The following XKR9 variants were observed in gnomAD, a reference collection of about 807,000 sequenced individuals.
XKR9 encodes XK-related protein 9.
XKR9 carries 32 observed loss-of-function variants against 32.0 expected under a neutral mutation model. The ratio of observed to expected loss-of-function variants is 1.00; its 90% CI spans 0.76 to 1.34. The LOEUF (loss-of-function observed/expected upper bound fraction) is 1.34, where lower values mean the gene tolerates loss of function less well. Ranked by LOEUF, XKR9 falls within the 40% of genes most tolerant of loss-of-function variation. The pLI is 0.00. For missense variants in XKR9, 546 were observed against 429.7 expected (o/e 1.27, Z -2.39); for synonymous variants, 168 against 143.4 (o/e 1.17, Z -1.22).
At chr8:70,940,489 C>T in the XKR9 span, among the ~76,000 whole-genome samples, 2 of 151,968 alleles carry the variant, frequency 1.3e-5, no homozygotes. Flanking sequence ...ATCTCATATG[C>T]AAGACAGGGT....
intron 4 of XKR9, among the ~76,000 whole-genome samples, chr8:70,712,224 A>G (rs1805942330): frequency 6.6e-6 from 1 of 152,120 alleles, no homozygotes; most frequent in Non-Finnish European, 1.5e-5. Flanking sequence ...ATTTAAATCA[A>G]CCCTTCCACT....
chr8:70,688,501 C>T (rs1310100600), intron 3 of XKR9, among the ~76,000 whole-genome samples: 1 of 151,876 alleles, frequency 6.6e-6, no homozygotes, highest in Non-Finnish European at 1.5e-5. Flanking sequence ...ACTGCAAGCT[C>T]CGCCTCCCAG....
the XKR9 span, among the ~76,000 whole-genome samples, chr8:70,906,966 T>C: frequency 1.3e-5 from 2 of 152,200 alleles, no homozygotes; most frequent in African/African-American, 4.8e-5. Context: ...TAACTACCAC[T>C]ACCAAGATAT....
the XKR9 span, among the ~76,000 whole-genome samples, chr8:71,048,130 C>A: frequency 2.0e-5 from 3 of 152,176 alleles, no homozygotes; most frequent in African/African-American, 7.2e-5. Context: ...CAACAGTTGT[C>A]TCCATGTTGT....
chr8:70,794,363 C>T (rs138581431), downstream of XKR9, among the ~76,000 whole-genome samples: 11 of 152,094 alleles, frequency 7.2e-5, no homozygotes, highest in East Asian at 2.1e-3. Flanking sequence ...TGCCTAATTA[C>T]CTTGGCTAGG....
intron 2 of XKR9, among the ~76,000 whole-genome samples, chr8:70,775,927 G>A (rs1807512531): frequency 6.6e-6 from 1 of 151,730 alleles, no homozygotes; most frequent in East Asian, 1.9e-4. Context: ...AAATTTTTTT[G>A]TCGAGATGGG....
the XKR9 span, among the ~76,000 whole-genome samples, chr8:70,879,592 C>G: frequency 6.6e-6 from 1 of 152,156 alleles, no homozygotes; most frequent in East Asian, 1.9e-4. Flanking sequence ...CATACACCCT[C>G]CCAAGACTAA....
chr8:71,034,352 T>A, the XKR9 span, among the ~76,000 whole-genome samples: 2 of 152,146 alleles, frequency 1.3e-5, no homozygotes, highest in Non-Finnish European at 2.9e-5. Flanking sequence ...AAGACATGTT[T>A]GCTTCCCTTT....
At chr8:70,723,887 CTTT>C (rs4008977) in intron 4 of XKR9, among the ~76,000 whole-genome samples, 1 of 139,772 alleles carries the variant, frequency 7.2e-6, no homozygotes, top group Non-Finnish European at 1.5e-5. Context: ...TAGGTGGGAA[CTTT>C]TTTTTTTTTT....
chr8:70,800,531 G>A, the XKR9 span, among the ~76,000 whole-genome samples: 4 of 152,094 alleles, frequency 2.6e-5, no homozygotes, highest in Non-Finnish European at 1.5e-5. Flanking sequence ...TGTCACCCAC[G>A]CTGGAGTGCA....
At chr8:70,942,031 A>G in the XKR9 span, among the ~76,000 whole-genome samples, 1 of 152,122 alleles carries the variant, frequency 6.6e-6, no homozygotes, top group Non-Finnish European at 1.5e-5. Context: ...AAGAAGCTAT[A>G]TACCTGATGC....
At chr8:70,776,947 C>CTCTATA in intron 2 of XKR9, among the ~76,000 whole-genome samples, 25 of 54,212 alleles carry the variant, frequency 4.6e-4, no homozygotes, top group East Asian at 2.0e-3. Flanking sequence ...CTCTCTCTCT[C>CTCTATA]TATATATATA....
At chr8:70,785,225 T>A (rs1807667710) in intron 2 of XKR9, among the ~76,000 whole-genome samples, 1 of 152,000 alleles carries the variant, frequency 6.6e-6, no homozygotes, top group African/African-American at 2.4e-5. Context: ...TTCTTCATTA[T>A]TCACTTTTGG....
At chr8:70,898,295 A>T in the XKR9 span, among the ~76,000 whole-genome samples, 2 of 152,184 alleles carry the variant, frequency 1.3e-5, no homozygotes, top group African/African-American at 2.4e-5. Context: ...TTTCTATGCC[A>T]GTACCATGCT....
chr8:70,751,040 TC>T (rs1167743456), intron 2 of XKR9, among the ~76,000 whole-genome samples: 1 of 152,182 alleles, frequency 6.6e-6, no homozygotes, highest in Non-Finnish European at 1.5e-5. Context: ...ATTCTGGCCT[TC>T]CGACTTGAAC....
the XKR9 span, among the ~76,000 whole-genome samples, chr8:70,968,108 A>G: frequency 6.6e-6 from 1 of 152,090 alleles, no homozygotes; most frequent in Non-Finnish European, 1.5e-5. Context: ...ACATAATCCC[A>G]TATGTCTTGG....
At chr8:70,822,119 G>T in the XKR9 span, among the ~76,000 whole-genome samples, 1 of 152,100 alleles carries the variant, frequency 6.6e-6, no homozygotes, top group Non-Finnish European at 1.5e-5. Flanking sequence ...AGAGGCTATA[G>T]ATGCATTAAG....
the XKR9 span, among the ~76,000 whole-genome samples, chr8:71,052,859 C>T: frequency 6.6e-6 from 1 of 152,200 alleles, no homozygotes; most frequent in African/African-American, 2.4e-5. Context: ...TGTGTAACTG[C>T]TCTGAACAGG....
chr8:70,770,466 C>G (rs1807438627), intron 2 of XKR9, among the ~76,000 whole-genome samples: 1 of 152,350 alleles, frequency 6.6e-6, no homozygotes, highest in East Asian at 1.9e-4. Context: ...CTGCTCTCTT[C>G]AGAGCCGGCA....
Sources: allele counts gnomAD v4.1 joint callset (sites outside exome capture counted in the v4.1 genomes callset), GRCh38; gene constraint gnomAD v4.1.1; transcripts MANE v1.5; gene names NCBI Gene and HGNC (gene_info 2026-07-23, HGNC 2026-07-21).